KLHL20: variants seen among roughly 807,000 people sequenced by gnomAD.
KLHL20 encodes the protein kelch-like protein 20.
A neutral mutation model predicts 69.5 loss-of-function variants in KLHL20; 29 were observed. The ratio of observed to expected loss-of-function variants is 0.42; its 90% CI spans 0.31 to 0.57. The LOEUF (loss-of-function observed/expected upper bound fraction) is 0.57. Among genes scored for constraint, KLHL20 ranks in the 20% least tolerant of loss-of-function variants. The pLI, the probability that KLHL20 is intolerant of heterozygous loss-of-function variation, is 0.18. For synonymous variants in KLHL20, 253 were observed against 265.2 expected (o/e 0.95, Z 0.45); for missense variants, 419 against 776.0 (o/e 0.54, Z 5.47).
chr1:173,735,936 C>CT (rs769632286), intron 3 of KLHL20, among the ~76,000 whole-genome samples: 1,094 of 105,974 alleles, frequency 0.01, 33 homozygotes, highest in East Asian at 0.019. Context: ...GCCATTCTAT[C>CT]TTTTTTTTTT....
In KLHL20 at chr1:173,757,009, G is replaced by A. The variant is rs1450420233; in HGVS notation, c.1001G>A (p.Ser334Asn). The A allele has an allele frequency of 1.9e-6, 3 of 1,614,154 alleles. No homozygotes were observed. Among genetic ancestry groups the A allele is most frequent in the Non-Finnish European group, 2.5e-6 (3 of 1,180,002 alleles). ...TGGTGCAGTGGAGATGCCATTTCCAGTGTTGAACGATATGATCCACAGACC... is the reference window on the plus strand; with the variant it reads ...TGGTGCAGTGGAGATGCCATTTCCAATGTTGAACGATATGATCCACAGACC... ...GGWCSGDAIS[S>N]VERYDPQTNE... Residue 334 changes from serine to asparagine, a missense_variant, in exon 7 of 12, where the codon AGT becomes AAT. This residue lies in a region of KLHL20 where 99 missense variants were observed against 240.7 expected (regional missense o/e 0.41). Transcript: ENST00000209884.
chr1:173,733,270 C>T (rs1489750629), intron 2 of KLHL20, among the ~76,000 whole-genome samples: 5 of 152,116 alleles, frequency 3.3e-5, no homozygotes, highest in Admixed American at 2.6e-4. Flanking sequence ...GATAAGCTTA[C>T]CTCAGTCTCC....
chr1:173,734,309 A>G (rs1448282815), intron 3 of KLHL20, 23 bp downstream of exon 3: 4 of 1,601,938 alleles, frequency 2.5e-6, no homozygotes, highest in Non-Finnish European at 3.4e-6. Context: ...TGGTGTTCCA[A>G]TGCACCCATT....
intron 3 of KLHL20, chr1:173,741,837 T>C: frequency 1.9e-6 from 3 of 1,588,368 alleles, no homozygotes; most frequent in Admixed American, 3.3e-5. Context: ...AACTGTAGTT[T>C]TGTGTGTTGG....
Position 173,753,248 on chromosome 1 carries a change from CA to C in KLHL20, c.794del (p.Lys265SerfsTer7). 6.2e-7 allele frequency: 1 copy of C among 1,613,974 alleles called. No individual in the cohort carries two copies. Among genetic ancestry groups the C allele is most frequent in the Middle Eastern group, 1.6e-4 (1 of 6,062 alleles). On this transcript the variant is annotated frameshift_variant, in exon 5 of 12. Coordinates refer to ENST00000209884, the MANE Select transcript of KLHL20 (RefSeq NM_014458.4). LOFTEE classifies it high-confidence loss of function. ...ATGTTCGTTTGCCTTTGCTTAGTCC[CA>C]AGTTCCTGGTCGGCACAGTAGGCTC... is the stretch of plus-strand genomic sequence containing the variant. ...QHVRLPLLSP[K>X]FLVGTVGSDP...
chr1:173,734,193 T>C lies in KLHL20; in HGVS notation c.504T>C (p.Ser168=), dbSNP rs1398392512. The C allele has an allele frequency of 6.2e-7, 1 of 1,614,238 alleles. No homozygotes were observed. The highest frequency in any genetic ancestry group is 2.2e-5 in the East Asian group (1 of 44,886). ...TCTTAAAGAGACAATTAGATCCTTC[T>C]AACTGCCTGGGCATTCGGGCTTTTG... is the stretch of plus-strand genomic sequence containing the variant. The part of the protein sequence containing the change: ...CEFLKRQLDP[S]NCLGIRAFAD... Residue 168 remains serine, a synonymous_variant, in exon 3 of 12, where the codon TCT becomes TCC. Transcript: ENST00000209884.
In KLHL20 at chr1:173,753,065, C is replaced by G. The variant is rs150398221; in HGVS notation, c.757-148C>G. On this transcript the variant is annotated intron_variant, in intron 4 of 11. Transcript: ENST00000209884. ...GCATGCACTTGTAGTTGCAGCTACT[C>G]TGGAGGCTGAGGTAGGCACATCACT... is the stretch of plus-strand genomic sequence containing the variant. 3.3e-3 allele frequency: 1,990 copies of G among 598,164 alleles called. 6 individuals carry two copies. The highest frequency in any genetic ancestry group is 4.7e-3 in the Non-Finnish European group (1,612 of 342,204). The allele number at this position is 598,164 out of a possible 1,614,324, so 37.1% of individuals were successfully genotyped here.
At chr1:173,753,991 G>A (rs1349333136) in intron 5 of KLHL20, among the ~76,000 whole-genome samples, 1 of 152,108 alleles carries the variant, frequency 6.6e-6, no homozygotes, top group African/African-American at 2.4e-5. Flanking sequence ...TCCCCAGCAT[G>A]TCCCAAATAT....
chr1:173,739,920 C>T (rs772641167), intron 3 of KLHL20, among the ~76,000 whole-genome samples: 11 of 152,012 alleles, frequency 7.2e-5, no homozygotes, highest in Admixed American at 1.3e-4. Flanking sequence ...GGATTACAGG[C>T]GTGAGCCACC....
intron 3 of KLHL20, among the ~76,000 whole-genome samples, chr1:173,744,403 T>C (rs1378773199): frequency 1.3e-5 from 2 of 152,176 alleles, no homozygotes; most frequent in Non-Finnish European, 2.9e-5. Context: ...TTATCCATGA[T>C]ACATGTCACA....
chr1:173,777,958 A>G (rs1648583247), intron 10 of KLHL20, among the ~76,000 whole-genome samples: 1 of 152,072 alleles, frequency 6.6e-6, no homozygotes, highest in Non-Finnish European at 1.5e-5. Context: ...CTCTTCCTCT[A>G]TGTTTGGAGT....
At chr1:173,733,050 GTC>G (rs1289081162) in intron 2 of KLHL20, among the ~76,000 whole-genome samples, 1 of 135,404 alleles carries the variant, frequency 7.4e-6, no homozygotes, top group East Asian at 2.2e-4. Context: ...TTGAGACAGA[GTC>G]TCTGTCACCC....
At chr1:173,721,534 G>A (rs551478097) in intron 2 of KLHL20, among the ~76,000 whole-genome samples, 72 of 152,330 alleles carry the variant, frequency 4.7e-4, no homozygotes, top group African/African-American at 1.6e-3. Flanking sequence ...ATTCTAGGAA[G>A]GCTTTTGCTA....
At chr1:173,770,588 T>G (rs1488157624) in intron 8 of KLHL20, among the ~76,000 whole-genome samples, 1 of 151,272 alleles carries the variant, frequency 6.6e-6, no homozygotes. Context: ...TCCCAGCTAC[T>G]TGGGAGACTT....
chr1:173,717,946 T>C (rs1250943498), intron 2 of KLHL20, among the ~76,000 whole-genome samples: 1 of 152,214 alleles, frequency 6.6e-6, no homozygotes, highest in Non-Finnish European at 1.5e-5. Context: ...ATTTAAAAGA[T>C]ACAATAGGAT....
intron 7 of KLHL20, among the ~76,000 whole-genome samples, chr1:173,761,406 C>T (rs1261401938): frequency 6.6e-6 from 1 of 152,100 alleles, no homozygotes; most frequent in East Asian, 1.9e-4. Context: ...ATATACAGAA[C>T]ATTTCATCCA....
intron 7 of KLHL20, 129 bp from the exon 8 acceptor site, chr1:173,766,017 G>C: frequency 1.6e-6 from 1 of 629,140 alleles, no homozygotes; most frequent in African/African-American, 1.9e-5. Context: ...AAATGTTTTG[G>C]TTATTATTAA....
chr1:173,785,330 T>C lies in KLHL20; in HGVS notation c.*83T>C. 3.5e-6 allele frequency: 3 copies of C among 860,008 alleles called. No individual in the cohort carries two copies. The highest frequency in any genetic ancestry group is 3.4e-6 in the Non-Finnish European group (2 of 585,274). 53.3% of individuals were successfully genotyped at this position (860,008 alleles called of 1,614,324 possible). A position where few individuals can be genotyped will look rare whatever the true frequency, so the allele number is the denominator to read the frequency against. ...GAGCTTTGTACAGCTTGAGAAAACA[T>C]TAGAACAAATTTTATTATTTGCCGG... On this transcript the variant is annotated 3_prime_UTR_variant, in exon 12 of 12. Coordinates refer to ENST00000209884, the MANE Select transcript of KLHL20 (RefSeq NM_014458.4).
At chr1:173,763,866 T>TTA (rs1553286851) in intron 7 of KLHL20, among the ~76,000 whole-genome samples, 3,148 of 119,540 alleles carry the variant, frequency 0.026, 121 homozygotes, top group African/African-American at 0.088. Flanking sequence ...GCAAATGCAA[T>TTA]AAAAAAAAAA....
Sources: gnomAD v4.1 joint callset for allele counts (sites outside exome capture counted in the v4.1 genomes callset) on GRCh38, gnomAD v4.1.1 for gene constraint, gnomAD v4.1.1 regional missense constraint, MANE v1.5 for transcripts, NCBI Gene and HGNC (gene_info 2026-07-23, HGNC 2026-07-21) for gene names.